The following IARS1 variants were observed in gnomAD, a reference collection of about 807,000 sequenced individuals.
IARS1 encodes the protein isoleucine--tRNA ligase, cytoplasmic.
A neutral mutation model predicts 168.2 loss-of-function variants in IARS1; 124 were observed. The ratio of observed to expected loss-of-function variants is 0.74; its 90% confidence interval spans 0.64 to 0.86. The LOEUF is 0.86. Among genes scored for constraint, IARS1 ranks in the 40% least tolerant of loss-of-function variants. The probability of loss-of-function intolerance (pLI) is 0.00; values close to 1 mark genes in which losing one functional copy is unlikely to be tolerated. For synonymous variants in IARS1, 532 were observed against 529.4 expected (o/e 1.00, Z -0.07); for missense variants, 1,452 against 1,515.8 (o/e 0.96, Z 0.70).
At position 92,229,022 on chromosome 9, in the gene IARS1, C is replaced by G. The variant is rs139893778; in HGVS notation, c.3388G>C (p.Ala1130Pro). The G allele has an allele frequency of 1.4e-5, 22 of 1,613,986 alleles. 1 individual carries two copies. The highest frequency in any genetic ancestry group is 1.9e-5 in the Non-Finnish European group (22 of 1,180,012). ...ATACCTGTTTCATCATGGAAGACAG[C>G]CAGCTCTGTATTTTTCACACCAAAA... Reference protein sequence around the residue: ...SIFGVKNTELAVFHDETEIQN... With the variant: ...SIFGVKNTELPVFHDETEIQN... The change falls in exon 31 of 34, where the codon GCT becomes CCT. Residue 1130 changes from alanine (A) to proline (P), a missense_variant. Ala to Pro is a conservative substitution (Grantham distance 27). Coordinates refer to ENST00000443024, the MANE Select transcript of IARS1 (RefSeq NM_002161.6).
chr9:92,258,783 A>C, intron 19 of IARS1, 71 bp downstream of exon 19: 1 of 1,446,202 alleles, frequency 6.9e-7, no homozygotes, highest in Non-Finnish European at 9.3e-7. Context: ...ACAGAGCTCC[A>C]CCTCACAGCT....
At chr9:92,272,620 C>G (rs571948197) in intron 10 of IARS1, among the ~76,000 whole-genome samples, 3 of 152,116 alleles carry the variant, frequency 2.0e-5, no homozygotes, top group Non-Finnish European at 4.4e-5. Flanking sequence ...GAGGCCAAGG[C>G]GGTCAGATCA....
chr9:92,257,827 T>C (rs766842723), intron 19 of IARS1, among the ~76,000 whole-genome samples: 5 of 152,216 alleles, frequency 3.3e-5, no homozygotes, highest in Non-Finnish European at 7.3e-5. Context: ...TGTAAGGTGC[T>C]GGAGATCAGA....
chr9:92,248,802 A>C (rs977516985), intron 25 of IARS1, among the ~76,000 whole-genome samples: 1 of 152,194 alleles, frequency 6.6e-6, no homozygotes, highest in Non-Finnish European at 1.5e-5. Context: ...CATTTTCTAT[A>C]ATAATGATTT....
chr9:92,249,935 A>C lies in IARS1; in HGVS notation c.2539T>G (p.Leu847Val). ...DRKTIPIKYP[L>V]KEIVVIHQDP... ...TGATGGATAACCACAATTTCTTTCAAAGGATACTAGGAGGAAAAGGGAGGG... is the reference window on the plus strand; with the variant it reads ...TGATGGATAACCACAATTTCTTTCACAGGATACTAGGAGGAAAAGGGAGGG... Residue 847 changes from leucine to valine, a missense_variant, in exon 25 of 34, where the codon TTG becomes GTG. Leu to Val is a conservative substitution (Grantham distance 32, BLOSUM62 1). Transcript: ENST00000443024. 2 of 1,595,866 alleles carry C rather than the reference A, an allele frequency of 1.3e-6. No individual in the cohort carries two copies. Among genetic ancestry groups the C allele is most frequent in the East Asian group, 2.2e-5 (1 of 44,774 alleles).
chr9:92,220,022 T>C (rs1839410953), intron 33 of IARS1, among the ~76,000 whole-genome samples: 1 of 146,696 alleles, frequency 6.8e-6, no homozygotes, highest in Admixed American at 6.8e-5. Context: ...CCAACCCAAA[T>C]GTCCAACAAT....
chr9:92,221,435 A>G (rs1587702268), intron 33 of IARS1, among the ~76,000 whole-genome samples: 1 of 152,230 alleles, frequency 6.6e-6, no homozygotes, highest in African/African-American at 2.4e-5. Context: ...TTGAATTGAG[A>G]TGTCAAGAAT....
At chr9:92,274,603 C>A (rs1279126289) in intron 9 of IARS1, 82 bp from the exon 10 acceptor site, 9 of 924,430 alleles carry the variant, frequency 9.7e-6, no homozygotes, top group African/African-American at 4.9e-5. Context: ...TTCCTAAGAA[C>A]CTGAAAATGC....
In IARS1 at chr9:92,250,273, T is replaced by C. The variant is rs780280908; in HGVS notation, c.2446A>G (p.Lys816Glu). 3 of 1,604,126 alleles carry C rather than the reference T, an allele frequency of 1.9e-6. No homozygotes were observed. Among genetic ancestry groups the C allele is most frequent in the East Asian group, 4.5e-5 (2 of 44,832 alleles). The part of the protein sequence containing the change: ...LPRVREELID[K>E]KTESAVSQMQ... ...TGAGATACTGCACTCTCTGTTTTCTTGTCAATCAATTCTTCTCTGAGTGGT... is the reference window on the plus strand; with the variant it reads ...TGAGATACTGCACTCTCTGTTTTCTCGTCAATCAATTCTTCTCTGAGTGGT... Residue 816 changes from lysine (K) to glutamate (E), a missense_variant, in exon 24 of 34, where the codon AAG becomes GAG. Coordinates refer to ENST00000443024, the MANE Select transcript of IARS1 (RefSeq NM_002161.6).
In IARS1 at chr9:92,278,200, T is replaced by G; in HGVS notation, c.832A>C (p.Arg278=). Reference sequence around the variant, plus strand: ...CAGAGCAACTATTTGAATATTCACCTTTCAAGGATCTCATAGTCACTCTCC... The same window carrying G: ...CAGAGCAACTATTTGAATATTCACCGTTCAAGGATCTCATAGTCACTCTCC... ...KLESDYEILE[R]FPGAYLKGKK... The change falls in exon 8 of 34, where the codon AGA becomes CGA. Residue 278 remains arginine (R), a splice_region_variant and synonymous_variant. Coordinates refer to ENST00000443024, the MANE Select transcript of IARS1 (RefSeq NM_002161.6). 6.3e-7 allele frequency: 1 copy of G among 1,575,022 alleles called. No individual in the cohort carries two copies. Among genetic ancestry groups the G allele is most frequent in the Non-Finnish European group, 8.7e-7 (1 of 1,144,222 alleles).
At position 92,250,770 on chromosome 9, in the gene IARS1, A is replaced by G; in HGVS notation, c.2372T>C (p.Val791Ala). Residue 791 changes from valine to alanine, a missense_variant, in exon 23 of 34, where the codon GTT becomes GCT. By Grantham distance (64) the Val-to-Ala change is moderately conservative. Transcript: ENST00000443024. ...YQNLKVLIDP[V>A]SVQDKDTLSI... is the part of the protein sequence containing the mutation. ...GAGTGTGTCCTTGTCCTGAACAGAA[A>G]CAGGGTCAATCAGCACCTTTAGATT... 1 of 1,613,760 alleles carries G rather than the reference A, an allele frequency of 6.2e-7. No individual in the cohort carries two copies. The highest frequency in any genetic ancestry group is 8.5e-7 in the Non-Finnish European group (1 of 1,179,846).
intron 9 of IARS1, among the ~76,000 whole-genome samples, chr9:92,275,824 C>A (rs1011196561): frequency 6.6e-6 from 1 of 152,226 alleles, no homozygotes; most frequent in Non-Finnish European, 1.5e-5. Context: ...CAGATGATTC[C>A]GTCCTGGGTC....
At chr9:92,284,236 A>C (rs1564188500) in intron 6 of IARS1, among the ~76,000 whole-genome samples, 1 of 152,210 alleles carries the variant, frequency 6.6e-6, no homozygotes, top group Non-Finnish European at 1.5e-5. Context: ...GTGACAACGA[A>C]TGCTAACATG....
At chr9:92,241,710 T>C (rs934475665) in intron 29 of IARS1, among the ~76,000 whole-genome samples, 2 of 152,140 alleles carry the variant, frequency 1.3e-5, no homozygotes, top group African/African-American at 4.8e-5. Flanking sequence ...CATAAGTATA[T>C]CTAAAATTCC....
intron 31 of IARS1, 120 bp downstream of exon 31, chr9:92,228,881 C>A: frequency 9.0e-7 from 1 of 1,114,912 alleles, no homozygotes; most frequent in South Asian, 1.5e-5. Flanking sequence ...AAGAGTTGGG[C>A]CCTGACTCAA....
chr9:92,234,805 A>G (rs1827236426), intron 30 of IARS1, among the ~76,000 whole-genome samples: 1 of 151,572 alleles, frequency 6.6e-6, no homozygotes, highest in South Asian at 2.1e-4. Context: ...GAAGATCAAT[A>G]TGGTGATCCC....
intron 16 of IARS1, among the ~76,000 whole-genome samples, chr9:92,264,235 T>C (rs1050158075): frequency 6.7e-6 from 1 of 149,836 alleles, no homozygotes; most frequent in Admixed American, 6.7e-5. Flanking sequence ...CTTAGGAGGG[T>C]GAGGCAGAAG....
intron 14 of IARS1, among the ~76,000 whole-genome samples, chr9:92,267,520 C>G (rs1832452166): frequency 6.6e-6 from 1 of 152,012 alleles, no homozygotes; most frequent in Non-Finnish European, 1.5e-5. Context: ...CCATGCCTGT[C>G]TAATTTAACA....
intron 7 of IARS1, among the ~76,000 whole-genome samples, chr9:92,279,020 CA>C (rs1834146961): frequency 6.6e-6 from 1 of 152,128 alleles, no homozygotes; most frequent in African/African-American, 2.4e-5. Flanking sequence ...AAAGCTGGAG[CA>C]AATGTATGAA....
Sources: gnomAD v4.1 joint callset for allele counts (sites outside exome capture counted in the v4.1 genomes callset) on GRCh38, gnomAD v4.1.1 for gene constraint, MANE v1.5 for transcripts, NCBI Gene and HGNC (gene_info 2026-07-23, HGNC 2026-07-21) for gene names.